Variants in CPAP observed in about 807,000 individuals in gnomAD.
The protein encoded by CPAP is centrosomal P4.1-associated protein.
chr13:24,906,269 AATG>A, the CPAP span: 1 of 1,601,534 alleles, frequency 6.2e-7, no homozygotes, highest in Non-Finnish European at 8.5e-7. Flanking sequence ...ATTACTAGAA[AATG>A]ATATTTCATC....
At chr13:24,906,806 G>A in the CPAP span, 17 of 1,614,030 alleles carry the variant, frequency 1.1e-5, no homozygotes, top group Admixed American at 1.2e-4. Flanking sequence ...TTTAAACAGC[G>A]GCTGGTCCTC....
At chr13:24,903,869 T>G in the CPAP span, 2 of 1,552,030 alleles carry the variant, frequency 1.3e-6, no homozygotes, top group Non-Finnish European at 1.8e-6. Context: ...ATAGATGGTC[T>G]TAAAGGTATA....
chr13:24,894,855 G>A, the CPAP span, among the ~76,000 whole-genome samples: 2 of 152,042 alleles, frequency 1.3e-5, no homozygotes, highest in Non-Finnish European at 2.9e-5. Context: ...AGGAAGAGAG[G>A]GGAGCCCCTA....
chr13:24,895,100 A>G, the CPAP span, among the ~76,000 whole-genome samples: 1 of 152,202 alleles, frequency 6.6e-6, no homozygotes, highest in Non-Finnish European at 1.5e-5. Flanking sequence ...CACGGCTGAG[A>G]GCCAGCGCCG....
the CPAP span, chr13:24,886,502 C>T: frequency 3.9e-6 from 2 of 509,578 alleles, no homozygotes; most frequent in Non-Finnish European, 7.2e-6. Context: ...CAGAAAATAA[C>T]ATCAGAGGGA....
At chr13:24,906,491 C>G in the CPAP span, 6 of 1,614,194 alleles carry the variant, frequency 3.7e-6, no homozygotes, top group South Asian at 6.6e-5. Flanking sequence ...CTTATTCCAC[C>G]CTGTGCAGCC....
the CPAP span, chr13:24,903,860 T>C: frequency 2.1e-6 from 3 of 1,461,890 alleles, no homozygotes; most frequent in African/African-American, 1.4e-5. Flanking sequence ...AGACTGTTTA[T>C]AGATGGTCTT....
the CPAP span, chr13:24,884,579 C>G: frequency 1.0e-6 from 1 of 990,806 alleles, no homozygotes; most frequent in Admixed American, 1.8e-5. Context: ...AACATTCCCT[C>G]AAAAGATCCT....
the CPAP span, among the ~76,000 whole-genome samples, chr13:24,912,370 T>C: frequency 6.6e-6 from 1 of 152,246 alleles, no homozygotes; most frequent in Non-Finnish European, 1.5e-5. Flanking sequence ...AACCATTTCT[T>C]ACTTTTCGCC....
the CPAP span, chr13:24,883,511 T>C: frequency 1.6e-6 from 1 of 638,836 alleles, no homozygotes; most frequent in Non-Finnish European, 2.7e-6. Flanking sequence ...AATTGTAACT[T>C]TCTACAGTGT....
the CPAP span, among the ~76,000 whole-genome samples, chr13:24,897,339 G>A: frequency 1.3e-5 from 2 of 152,200 alleles, no homozygotes; most frequent in Non-Finnish European, 2.9e-5. Flanking sequence ...AAATTCACTT[G>A]TAGGAATCCA....
chr13:24,883,100 A>T, the CPAP span: 1 of 1,287,912 alleles, frequency 7.8e-7, no homozygotes, highest in Non-Finnish European at 1.1e-6. Context: ...ACAATAAATT[A>T]AACAGAATCC....
At chr13:24,930,257 TTC>T in the CPAP span, among the ~76,000 whole-genome samples, 3 of 152,130 alleles carry the variant, frequency 2.0e-5, no homozygotes, top group Non-Finnish European at 2.9e-5. Flanking sequence ...GTTCCATAAT[TTC>T]TGTTTGGTTC....
chr13:24,928,995 T>C, the CPAP span, among the ~76,000 whole-genome samples: 14 of 150,548 alleles, frequency 9.3e-5, no homozygotes, highest in East Asian at 1.2e-3. Context: ...TTCACACCTG[T>C]ATTTTTGCTT....
At chr13:24,933,351 G>A in the CPAP span, 3,358 of 433,684 alleles carry the variant, frequency 7.7e-3, 89 homozygotes, top group African/African-American at 0.059. Context: ...TGAACCGCAG[G>A]ACAATTCCAC....
chr13:24,885,244 T>G, the CPAP span: 1 of 1,368,262 alleles, frequency 7.3e-7, no homozygotes, highest in Non-Finnish European at 1.0e-6. Context: ...TTATTTTTTA[T>G]AGAATTCATT....
At chr13:24,908,021 T>C in the CPAP span, 1 of 1,598,178 alleles carries the variant, frequency 6.3e-7, no homozygotes, top group Non-Finnish European at 8.6e-7. Flanking sequence ...ACAATACCTT[T>C]CTTCAATATT....
chr13:24,889,573 G>A, the CPAP span, among the ~76,000 whole-genome samples: 3 of 93,096 alleles, frequency 3.2e-5, no homozygotes, highest in East Asian at 2.2e-4. Flanking sequence ...GAATCACTGC[G>A]CGTGTGCACA....
chr13:24,882,693 TA>T, the CPAP span: 2 of 158,654 alleles, frequency 1.3e-5, no homozygotes, highest in Admixed American at 1.2e-4. Flanking sequence ...CATTCTGTTA[TA>T]ATAATTAATG....
Sources: allele counts gnomAD v4.1 joint callset (sites outside exome capture counted in the v4.1 genomes callset), GRCh38; gene constraint gnomAD v4.1.1; transcripts MANE v1.5; gene names NCBI Gene and HGNC (gene_info 2026-07-23, HGNC 2026-07-21).